The following GNB5 variants were observed in gnomAD, a reference collection of about 807,000 sequenced individuals.
GNB5 encodes guanine nucleotide-binding protein subunit beta-5.
In GNB5, 37 loss-of-function variants were observed where a neutral mutation model predicts 55.3. The ratio of observed to expected loss-of-function variants is 0.67; its 90% confidence interval spans 0.51 to 0.88. The LOEUF (loss-of-function observed/expected upper bound fraction) is 0.88, where lower values mean the gene tolerates loss of function less well. GNB5 is among the 40% of genes least tolerant of loss of function. The probability of loss-of-function intolerance (pLI) is 0.00; values close to 1 mark genes in which losing one functional copy is unlikely to be tolerated. For synonymous variants in GNB5, 219 were observed against 198.5 expected (o/e 1.10, Z -0.87); for missense variants, 476 against 515.3 (o/e 0.92, Z 0.74).
At chr15:52,165,108 T>A (rs569275976) in intron 3 of GNB5, among the ~76,000 whole-genome samples, 1 of 152,060 alleles carries the variant, frequency 6.6e-6, no homozygotes, top group Non-Finnish European at 1.5e-5. Context: ...TAGGAAACAA[T>A]CTCAGAGCTT....
At position 52,124,545 on chromosome 15, in the gene GNB5, G is replaced by A. The variant is rs767221707; in HGVS notation, c.1104C>T (p.Asn368=). ...GGGAAACTCGTAGAGTGCTAACGCG[G>A]TTTTCATGTCCAAACAGGATGGAGA... is the stretch of plus-strand genomic sequence containing the variant. ...SRVSILFGHE[N]RVSTLRVSPD... Residue 368 remains asparagine, a synonymous_variant, in exon 12 of 13, where the codon AAC becomes AAT. Transcript: ENST00000261837. 6.2e-7 allele frequency: 1 copy of A among 1,613,746 alleles called. No individual in the cohort carries two copies. Among genetic ancestry groups the A allele is most frequent in the South Asian group, 1.1e-5 (1 of 91,086 alleles).
Position 52,117,584 on chromosome 15 carries a change from C to T in GNB5, c.*5173G>A, listed in dbSNP as rs1484512962. Reference sequence around the variant, plus strand: ...TGGCCCTGTGGCAGCCCACGGGAGGCCAGAGTCCCCTGTGGAGACTGACCA... The same window carrying T: ...TGGCCCTGTGGCAGCCCACGGGAGGTCAGAGTCCCCTGTGGAGACTGACCA... On this transcript the variant is annotated 3_prime_UTR_variant, in exon 13 of 13. Coordinates refer to ENST00000261837, the MANE Select transcript of GNB5 (RefSeq NM_016194.4). The T allele has an allele frequency of 2.0e-5, 3 of 152,386 alleles. No homozygotes were observed. The highest frequency in any genetic ancestry group is 1.9e-4 in the East Asian group (1 of 5,182). The allele number at this position is 152,386 out of a possible 1,614,324, so 9.4% of individuals were successfully genotyped here.
chr15:52,153,114 C>G (rs992780260), intron 4 of GNB5, among the ~76,000 whole-genome samples: 2 of 152,202 alleles, frequency 1.3e-5, no homozygotes, highest in Admixed American at 1.3e-4. Context: ...GTGTGACCAA[C>G]AGAATACAAC....
chr15:52,164,398 C>T (rs2034407805), intron 3 of GNB5, among the ~76,000 whole-genome samples: 1 of 149,574 alleles, frequency 6.7e-6, no homozygotes, highest in Admixed American at 6.7e-5. Flanking sequence ...GCGGGCGGAT[C>T]ACGAAGTCAG....
intron 7 of GNB5, among the ~76,000 whole-genome samples, chr15:52,140,793 G>A (rs1418297052): frequency 1.3e-5 from 2 of 152,150 alleles, no homozygotes; most frequent in East Asian, 1.9e-4. Flanking sequence ...TCTGAAGCCC[G>A]ACAGCTCAGT....
At chr15:52,135,235 C>T (rs1432829443) in intron 8 of GNB5, among the ~76,000 whole-genome samples, 2 of 152,244 alleles carry the variant, frequency 1.3e-5, no homozygotes, top group East Asian at 3.9e-4. Flanking sequence ...CCCTTGTGCG[C>T]ATCTCTGATG....
chr15:52,152,811 T>A (rs568605605), intron 4 of GNB5, among the ~76,000 whole-genome samples: 9 of 152,066 alleles, frequency 5.9e-5, no homozygotes, highest in Admixed American at 4.6e-4. Context: ...TGTATTTCTA[T>A]TTTTATAAAG....
chr15:52,159,215 C>G (rs1044307192), intron 3 of GNB5, among the ~76,000 whole-genome samples: 3 of 152,034 alleles, frequency 2.0e-5, no homozygotes, highest in Non-Finnish European at 4.4e-5. Flanking sequence ...CTCATTTATC[C>G]CACCGTGACA....
chr15:52,145,085 G>A (rs1178001753), intron 6 of GNB5, among the ~76,000 whole-genome samples: 1 of 152,120 alleles, frequency 6.6e-6, no homozygotes, highest in Non-Finnish European at 1.5e-5. Context: ...GAAGCAAGGG[G>A]CAGTCTTGGA....
rs919252078 is a variant in GNB5, at chr15:52,156,703, G to T, written c.239-2627C>A. Among the ~76,000 whole-genome samples, 4 of 152,028 alleles carry T rather than the reference G, an allele frequency of 2.6e-5. No homozygotes were observed. In the East Asian group the frequency reaches 7.7e-4, roughly 29 times the overall value. On this transcript the variant is annotated intron_variant, in intron 3 of 12. Transcript: ENST00000261837. ...AGAGGTCGCAGTGAGCTGAGATTGC[G>T]CCACTGCACTCCAGCCTGGGTGACA...
chr15:52,179,903 A>G, intron 2 of GNB5, 24 bp from the exon 3 acceptor site: 1 of 1,501,326 alleles, frequency 6.7e-7, no homozygotes, highest in Non-Finnish European at 8.9e-7. Flanking sequence ...CGCAGCGGAG[A>G]GGGAAGCGGA....
At chr15:52,153,707 T>C (rs2034148477) in intron 4 of GNB5, among the ~76,000 whole-genome samples, 1 of 152,194 alleles carries the variant, frequency 6.6e-6, no homozygotes, top group African/African-American at 2.4e-5. Flanking sequence ...TTTTCAATGG[T>C]TCATCATATT....
rs1566935744 is a variant in GNB5, at chr15:52,136,151, CA to C, written c.628-396del. Among the ~76,000 whole-genome samples, 41 of 137,520 alleles carry C rather than the reference CA, an allele frequency of 3.0e-4. 2 individuals carry two copies. The highest frequency in any genetic ancestry group is 1.0e-3 in the African/African-American group (35 of 34,698). 90.2% of individuals were successfully genotyped at this position (137,520 alleles called of 152,430 possible). On this transcript the variant is annotated intron_variant, in intron 7 of 12. Coordinates refer to ENST00000261837, the MANE Select transcript of GNB5 (RefSeq NM_016194.4). ...ACACACACACACACACACACACACA[CA>C]CACACACACACACACACACACCCTA...
At position 52,190,302 on chromosome 15, in the gene GNB5, A is replaced by G. The variant is rs563564101; in HGVS notation, c.-19+1020T>C. 3.9e-5 allele frequency among the ~76,000 whole-genome samples: 6 copies of G among 152,054 alleles called. No homozygotes were observed. In the South Asian group the frequency reaches 1.2e-3, roughly 32 times the overall value. ...CCGGCTAATTTCTTGTATTTTTAGT[A>G]GAGATGGGGTTTCACCGTGTTAACC... On this transcript the variant is annotated intron_variant, in intron 1 of 12. Coordinates refer to ENST00000261837, the MANE Select transcript of GNB5 (RefSeq NM_016194.4).
chr15:52,123,928 G>A (rs1176212767), intron 12 of GNB5, among the ~76,000 whole-genome samples: 3 of 143,720 alleles, frequency 2.1e-5, no homozygotes, highest in East Asian at 2.1e-4. Context: ...TGAAAGCCAC[G>A]AGGACAAAAG....
chr15:52,157,796 C>T (rs1267514922), intron 3 of GNB5, among the ~76,000 whole-genome samples: 1 of 151,762 alleles, frequency 6.6e-6, no homozygotes, highest in African/African-American at 2.4e-5. Flanking sequence ...ATTTTTTCTT[C>T]CCACATGTAG....
chr15:52,122,603 A>G lies in GNB5; in HGVS notation c.*154T>C, dbSNP rs902805136. ...TGTATTTCCAGAGGTGACAGTTTTA[A>G]TAGTCATATTGGAGACGCTTAGTGA... On this transcript the variant is annotated 3_prime_UTR_variant, in exon 13 of 13. Coordinates refer to ENST00000261837, the MANE Select transcript of GNB5 (RefSeq NM_016194.4). 4.5e-6 allele frequency: 3 copies of G among 670,154 alleles called. No individual in the cohort carries two copies. Among genetic ancestry groups the G allele is most frequent in the Non-Finnish European group, 8.0e-6 (3 of 374,304 alleles). The allele number at this position is 670,154 out of a possible 1,614,324, so 41.5% of individuals were successfully genotyped here.
rs575098034 is a variant in GNB5 at position 52,127,313 on chromosome 15, T to C, written c.912+883A>G. 2.6e-4 allele frequency among the ~76,000 whole-genome samples: 39 copies of C among 152,328 alleles called. 1 individual carries two copies. The highest frequency in any genetic ancestry group is 7.9e-4 in the African/African-American group (33 of 41,578). ...AGGTGACTTTGAAAATATTTTCAGG[T>C]GTTTACTTGCCATTGTGGATTCACT... On this transcript the variant is annotated intron_variant, in intron 10 of 12. Coordinates refer to ENST00000261837, the MANE Select transcript of GNB5 (RefSeq NM_016194.4).
At chr15:52,187,904 A>T (rs968763624) in intron 1 of GNB5, among the ~76,000 whole-genome samples, 1 of 150,916 alleles carries the variant, frequency 6.6e-6, no homozygotes, top group Non-Finnish European at 1.5e-5. Flanking sequence ...AGCTGAGATC[A>T]TGCCACTGCA....
Sources: gnomAD v4.1 joint callset for allele counts (sites outside exome capture counted in the v4.1 genomes callset) on GRCh38, gnomAD v4.1.1 for gene constraint, MANE v1.5 for transcripts, NCBI Gene and HGNC (gene_info 2026-07-23, HGNC 2026-07-21) for gene names.